PAN3: variants seen among roughly 807,000 people sequenced by gnomAD.
PAN3 encodes the protein poly(A) specific ribonuclease subunit PAN3.
A neutral mutation model predicts 96.2 loss-of-function variants in PAN3; 19 were observed. That is an observed-to-expected ratio of 0.20 (90% CI 0.14 to 0.29). The LOEUF is 0.29. Ranked by LOEUF, PAN3 falls within the 10% of genes least tolerant of loss-of-function variation. The pLI is 1.00. For synonymous variants in PAN3, 433 were observed against 406.6 expected (o/e 1.06, Z -0.78); for missense variants, 882 against 1,108.1 (o/e 0.80, Z 2.90).
At chr13:28,229,094 C>CT (rs1882287512) in intron 6 of PAN3, among the ~76,000 whole-genome samples, 1 of 152,156 alleles carries the variant, frequency 6.6e-6, no homozygotes, top group Non-Finnish European at 1.5e-5. Flanking sequence ...GAAGTTTCTC[C>CT]TATGATGACT....
chr13:28,155,632 C>T (rs1156862059), intron 1 of PAN3, among the ~76,000 whole-genome samples: 1 of 151,956 alleles, frequency 6.6e-6, no homozygotes. Context: ...TCGGACATGG[C>T]CCTGGTCATT....
chr13:28,172,171 C>T (rs1874384225), intron 1 of PAN3, among the ~76,000 whole-genome samples: 1 of 152,088 alleles, frequency 6.6e-6, no homozygotes, highest in African/African-American at 2.4e-5. Flanking sequence ...ATTATTTAGT[C>T]TTGGCTGGGC....
chr13:28,141,753 C>T (rs1189547556), intron 1 of PAN3, among the ~76,000 whole-genome samples: 2 of 152,078 alleles, frequency 1.3e-5, no homozygotes, highest in Non-Finnish European at 2.9e-5. Context: ...AGCCACCGCA[C>T]CTGGCCGAGG....
At chr13:28,281,163 T>G (rs1887443008) in intron 16 of PAN3, 152 bp from the exon 17 acceptor site, 1 of 655,276 alleles carries the variant, frequency 1.5e-6, no homozygotes, top group Non-Finnish European at 2.7e-6. Context: ...GGACATATTG[T>G]GTTTGTTTAA....
rs1482437309 is a variant in PAN3, at chr13:28,294,699, TA to T, written c.*2178del. ...CCAAGAATGTTTGCATCCTAAATGCTAGTTTGCTTCAGCCCCTAGTTAACCT... is the reference window on the plus strand; with the variant it reads ...CCAAGAATGTTTGCATCCTAAATGCTGTTTGCTTCAGCCCCTAGTTAACCT... On this transcript the variant is annotated 3_prime_UTR_variant, in exon 19 of 19. Transcript: ENST00000380958. The T allele has an allele frequency of 1.3e-5, 2 of 152,668 alleles. No individual in the cohort carries two copies. The highest frequency in any genetic ancestry group is 6.5e-5 in the Admixed American group (1 of 15,288). 9.5% of individuals were successfully genotyped at this position (152,668 alleles called of 1,614,324 possible).
At chr13:28,185,620 GGT>G (rs2138161670) in intron 4 of PAN3, among the ~76,000 whole-genome samples, 1 of 152,034 alleles carries the variant, frequency 6.6e-6, no homozygotes, top group African/African-American at 2.4e-5. Context: ...TTTTTTTAAA[GGT>G]GTGTGTGGTA....
chr13:28,209,751 T>G (rs1593478186), intron 5 of PAN3, among the ~76,000 whole-genome samples: 1 of 151,926 alleles, frequency 6.6e-6, no homozygotes, highest in East Asian at 1.9e-4. Flanking sequence ...TTTTTCTCCT[T>G]CCTGCCTGCC....
intron 5 of PAN3, among the ~76,000 whole-genome samples, chr13:28,218,495 G>A (rs1348352425): frequency 6.6e-6 from 1 of 152,144 alleles, no homozygotes. Flanking sequence ...TGTTGAGTAG[G>A]TTTTGGCATC....
At chr13:28,189,831 A>T (rs909510543) in intron 4 of PAN3, among the ~76,000 whole-genome samples, 1 of 152,160 alleles carries the variant, frequency 6.6e-6, no homozygotes, top group African/African-American at 2.4e-5. Context: ...TTTTAGCAAG[A>T]TCCCTGGAAG....
At chr13:28,271,926 C>G in intron 13 of PAN3, 55 bp from the exon 14 acceptor site, 5 of 1,255,018 alleles carry the variant, frequency 4.0e-6, no homozygotes. Context: ...CATGAGTATG[C>G]AATTTTTTAA....
At chr13:28,143,216 G>A (rs1258687263) in intron 1 of PAN3, among the ~76,000 whole-genome samples, 1 of 152,088 alleles carries the variant, frequency 6.6e-6, no homozygotes, top group Non-Finnish European at 1.5e-5. Flanking sequence ...AGCCTCCTGA[G>A]TAGCTGGGAC....
intron 17 of PAN3, among the ~76,000 whole-genome samples, chr13:28,283,709 C>A (rs1868585135): frequency 6.6e-6 from 1 of 152,194 alleles, no homozygotes; most frequent in Non-Finnish European, 1.5e-5. Flanking sequence ...TTCCTCATAA[C>A]AACCCTATGA....
intron 1 of PAN3, among the ~76,000 whole-genome samples, chr13:28,155,960 T>C (rs1259315930): frequency 2.0e-5 from 3 of 152,166 alleles, no homozygotes; most frequent in Non-Finnish European, 1.5e-5. Flanking sequence ...TAATAAGCTG[T>C]GGCCACGTTG....
At chr13:28,164,244 G>C (rs1873258357) in intron 1 of PAN3, among the ~76,000 whole-genome samples, 1 of 152,026 alleles carries the variant, frequency 6.6e-6, no homozygotes, top group Admixed American at 6.6e-5. Context: ...CTTAATTGAA[G>C]TTTTCTTGGT....
At chr13:28,232,049 A>C (rs1157291665) in intron 6 of PAN3, among the ~76,000 whole-genome samples, 1 of 152,208 alleles carries the variant, frequency 6.6e-6, no homozygotes, top group African/African-American at 2.4e-5. Flanking sequence ...TAAGGTAAAC[A>C]TTTAGCACTT....
chr13:28,191,157 A>G (rs1183672638), intron 4 of PAN3, among the ~76,000 whole-genome samples: 2 of 152,182 alleles, frequency 1.3e-5, no homozygotes, highest in Non-Finnish European at 2.9e-5. Context: ...ATCTTAAAGA[A>G]CTGAAAAAAC....
chr13:28,261,504 T>C, intron 9 of PAN3, 46 bp downstream of exon 9: 2 of 1,530,336 alleles, frequency 1.3e-6, no homozygotes, highest in Non-Finnish European at 1.8e-6. Context: ...GCTGTTATAA[T>C]TCTTACGTGG....
At chr13:28,148,108 A>G (rs12860155) in intron 1 of PAN3, among the ~76,000 whole-genome samples, 1 of 152,144 alleles carries the variant, frequency 6.6e-6, no homozygotes, top group Non-Finnish European at 1.5e-5. Context: ...GGCATAAGCC[A>G]CCATGTCCAG....
intron 5 of PAN3, among the ~76,000 whole-genome samples, chr13:28,207,747 A>AATGAATATATCAATATACTGATCATGGC (rs1309930286): frequency 6.6e-6 from 1 of 152,210 alleles, no homozygotes; most frequent in Non-Finnish European, 1.5e-5. Context: ...TTATCACATA[A>AATGAATATATCAATATACTGATCATGGC]ACTAATATCA....
Sources: allele counts gnomAD v4.1 joint callset (sites outside exome capture counted in the v4.1 genomes callset), GRCh38; gene constraint gnomAD v4.1.1; transcripts MANE v1.5; gene names NCBI Gene and HGNC (gene_info 2026-07-23, HGNC 2026-07-21).